RPSA2: variants seen among roughly 807,000 people sequenced by gnomAD.
RPSA2 encodes ribosomal protein SA 2, also known as small ribosomal subunit protein uS2B.
chr19:23,847,198 A>G, the RPSA2 span, among the ~76,000 whole-genome samples: 2 of 149,030 alleles, frequency 1.3e-5, no homozygotes, highest in Non-Finnish European at 3.0e-5. Flanking sequence ...AAGTTCTACA[A>G]TTTTTGTTTC....
At chr19:23,773,576 C>G in the RPSA2 span, among the ~76,000 whole-genome samples, 1 of 152,194 alleles carries the variant, frequency 6.6e-6, no homozygotes, top group Non-Finnish European at 1.5e-5. Flanking sequence ...GCCACCACAG[C>G]CGGCCTGGAG....
chr19:23,835,732 G>T, the RPSA2 span, among the ~76,000 whole-genome samples: 1 of 152,062 alleles, frequency 6.6e-6, no homozygotes, highest in East Asian at 1.9e-4. Context: ...TGCCTCTCAG[G>T]TTCAAGCAGT....
the RPSA2 span, among the ~76,000 whole-genome samples, chr19:23,776,873 C>T: frequency 0.022 from 3,325 of 152,238 alleles, 130 homozygotes; most frequent in African/African-American, 0.076. Context: ...CTTGGCTCAT[C>T]AGATGTTTGA....
At chr19:23,831,981 A>G in the RPSA2 span, 1 of 383,982 alleles carries the variant, frequency 2.6e-6, no homozygotes, top group Non-Finnish European at 5.3e-6. Flanking sequence ...AATGTAAAAA[A>G]TGTGGAAAAA....
At chr19:23,774,679 C>T in the RPSA2 span, among the ~76,000 whole-genome samples, 2 of 152,260 alleles carry the variant, frequency 1.3e-5, no homozygotes, top group East Asian at 1.9e-4. Flanking sequence ...TGTGACATAC[C>T]TTCTGGCCCA....
At chr19:23,856,657 G>T in the RPSA2 span, among the ~76,000 whole-genome samples, 2 of 152,218 alleles carry the variant, frequency 1.3e-5, no homozygotes, top group East Asian at 3.9e-4. Flanking sequence ...TTCAACATAG[G>T]TTCTTTCTAT....
the RPSA2 span, among the ~76,000 whole-genome samples, chr19:23,851,238 C>T: frequency 6.6e-6 from 1 of 152,076 alleles, no homozygotes; most frequent in Non-Finnish European, 1.5e-5. Flanking sequence ...GGATTAATAC[C>T]AGGTTCCTGA....
the RPSA2 span, among the ~76,000 whole-genome samples, chr19:23,759,628 A>G: frequency 7.7e-6 from 1 of 129,862 alleles, no homozygotes; most frequent in Non-Finnish European, 1.5e-5. Flanking sequence ...GGTTCAAGTG[A>G]TTCTCTTGCC....
the RPSA2 span, among the ~76,000 whole-genome samples, chr19:23,798,132 G>T: frequency 6.6e-6 from 1 of 151,726 alleles, no homozygotes; most frequent in Non-Finnish European, 1.5e-5. Context: ...TTTGGCAAAA[G>T]GTTATTCTTA....
At chr19:23,848,511 A>C in the RPSA2 span, among the ~76,000 whole-genome samples, 1 of 137,894 alleles carries the variant, frequency 7.3e-6, no homozygotes, top group East Asian at 2.2e-4. Context: ...GTATAACTCC[A>C]GGCACAATGT....
the RPSA2 span, among the ~76,000 whole-genome samples, chr19:23,857,241 T>C: frequency 6.6e-6 from 1 of 152,194 alleles, no homozygotes; most frequent in African/African-American, 2.4e-5. Flanking sequence ...GTTAACACAG[T>C]TATCACAGGG....
At chr19:23,777,044 C>T in the RPSA2 span, among the ~76,000 whole-genome samples, 1 of 152,196 alleles carries the variant, frequency 6.6e-6, no homozygotes. Context: ...TCCTCTCATG[C>T]CTGGGCCCTG....
the RPSA2 span, among the ~76,000 whole-genome samples, chr19:23,866,655 C>A: frequency 1.3e-5 from 2 of 151,938 alleles, no homozygotes; most frequent in Non-Finnish European, 2.9e-5. Context: ...GGACCCAGGC[C>A]CCTCAAGCCA....
At chr19:23,858,294 T>TAA in the RPSA2 span, among the ~76,000 whole-genome samples, 1 of 149,984 alleles carries the variant, frequency 6.7e-6, no homozygotes, top group Non-Finnish European at 1.5e-5. Flanking sequence ...AATTACTTAA[T>TAA]AGTTTTAATG....
chr19:23,858,046 G>A, the RPSA2 span, among the ~76,000 whole-genome samples: 2 of 151,112 alleles, frequency 1.3e-5, no homozygotes, highest in Non-Finnish European at 2.9e-5. Flanking sequence ...GAATCATTTG[G>A]CTTTACTTTG....
the RPSA2 span, among the ~76,000 whole-genome samples, chr19:23,761,068 T>A: frequency 1.1e-4 from 9 of 81,676 alleles, no homozygotes; most frequent in East Asian, 4.1e-4. Context: ...ATATATATGT[T>A]TGTGTGTGTG....
chr19:23,854,354 G>A, the RPSA2 span, among the ~76,000 whole-genome samples: 117 of 152,318 alleles, frequency 7.7e-4, no homozygotes, highest in East Asian at 0.019. Flanking sequence ...GAGATCTACT[G>A]CTCCACCCCC....
the RPSA2 span, among the ~76,000 whole-genome samples, chr19:23,769,116 T>C: frequency 1.3e-5 from 2 of 152,216 alleles, no homozygotes; most frequent in African/African-American, 2.4e-5. Context: ...TCGCTGAGAC[T>C]GTGTGACTCT....
At chr19:23,843,055 A>T in the RPSA2 span, 1 of 152,996 alleles carries the variant, frequency 6.5e-6, no homozygotes, top group Non-Finnish European at 1.5e-5. Context: ...TCTGTCAGAA[A>T]ACAGTATTTT....
Sources: allele counts gnomAD v4.1 joint callset (sites outside exome capture counted in the v4.1 genomes callset), GRCh38; gene constraint gnomAD v4.1.1; transcripts MANE v1.5; gene names NCBI Gene and HGNC (gene_info 2026-07-23, HGNC 2026-07-21).